POLL: variants seen among roughly 807,000 people sequenced by gnomAD.
POLL encodes DNA polymerase beta-2.
POLL carries 44 observed loss-of-function variants against 58.1 expected under a neutral mutation model. The observed-to-expected ratio is 0.76, with a 90% CI of 0.60 to 0.97. The LOEUF is 0.97. Among genes scored for constraint, POLL ranks in the 50% least tolerant of loss-of-function variants. POLL has a pLI of 0.00. For missense variants in POLL, 632 were observed against 736.8 expected, an observed-to-expected ratio of 0.86 and a Z score of 1.65; for synonymous variants, 290 against 283.2, an observed-to-expected ratio of 1.02 and a Z score of -0.24.
rs1407940480 is a variant in POLL, at chr10:101,580,230, C to G, written c.1363+18G>C. ...GCTGCCCTCTGTCAACCTGCTCACC[C>G]AGAGATGGAGCTTATACCTTCCTGC... On this transcript the variant is annotated intron_variant, in intron 8 of 8. Coordinates refer to ENST00000370162, the MANE Select transcript of POLL (RefSeq NM_001174084.2). This position sits in a 1 kb window ranked among gnomAD's most constrained non-coding sequence, Gnocchi z 4.1. 1.2e-6 allele frequency: 2 copies of G among 1,604,496 alleles called. No individual in the cohort carries two copies. Among genetic ancestry groups the G allele is most frequent in the Admixed American group, 3.4e-5 (2 of 59,554 alleles).
Position 101,582,798 on chromosome 10 carries a change from T to C in POLL, c.1159A>G (p.Met387Val), listed in dbSNP as rs150900080. The C allele has an allele frequency of 3.7e-6, 6 of 1,614,098 alleles. No homozygotes were observed. Among genetic ancestry groups the C allele is most frequent in the African/African-American group, 1.3e-5 (1 of 74,956 alleles). The change falls in exon 7 of 9, where the codon ATG (methionine) becomes GTG (valine). Residue 387 changes from methionine (M) to valine (V), a missense_variant. Physicochemically the swap from Met to Val is conservative, Grantham distance 21 (BLOSUM62 1). Coordinates refer to ENST00000370162, the MANE Select transcript of POLL (RefSeq NM_001174084.2). ...LKHYSDFLER[M>V]PREEATEIEQ... Reference sequence around the variant, plus strand: ...ATCTCTGTAGCCTCCTCCCTGGGCATACGTTCCAGGAAGTCACTGTAATGC... The same window carrying C: ...ATCTCTGTAGCCTCCTCCCTGGGCACACGTTCCAGGAAGTCACTGTAATGC...
In POLL at chr10:101,585,341, T is replaced by A; in HGVS notation, c.548A>T (p.Lys183Ile). ...TRPVSPPQKAKEAPNTQAQPI... is the reference protein window; with the variant it reads ...TRPVSPPQKAIEAPNTQAQPI... ...CTGGGCTTGGGTGTTTGGTGCCTCTTTTGCCTTTTGGGGAGGAGACACAGG... is the reference window on the plus strand; with the variant it reads ...CTGGGCTTGGGTGTTTGGTGCCTCTATTGCCTTTTGGGGAGGAGACACAGG... Residue 183 changes from lysine to isoleucine, a missense_variant, in exon 4 of 9, where the codon AAA becomes ATA. Coordinates refer to ENST00000370162, the MANE Select transcript of POLL (RefSeq NM_001174084.2). The A allele has an allele frequency of 2.5e-6, 4 of 1,585,740 alleles. No individual in the cohort carries two copies. The highest frequency in any genetic ancestry group is 3.4e-6 in the Non-Finnish European group (4 of 1,166,950).
Position 101,583,572 on chromosome 10 carries a change from A to C in POLL, c.1001T>G (p.Val334Gly). Residue 334 changes from valine to glycine, a missense_variant, in exon 6 of 9, where the codon GTC (valine) becomes GGC (glycine). By Grantham distance (109) the Val-to-Gly change is moderately radical (BLOSUM62 -3). Coordinates refer to ENST00000370162, the MANE Select transcript of POLL (RefSeq NM_001174084.2). The stretch of plus-strand genomic sequence containing the variant: ...CCAGATGTTGGAGAAGAGCTCCAAG[A>C]CAGGCACGCTCTCACTGATATGGTC... ...KLDHISESVP[V>G]LELFSNIWGA... 5 of 1,614,066 alleles carry C rather than the reference A, an allele frequency of 3.1e-6. No individual in the cohort carries two copies. Among genetic ancestry groups the C allele is most frequent in the Non-Finnish European group, 4.2e-6 (5 of 1,180,024 alleles).
At chr10:101,586,707 C>A (rs1007089130) in intron 2 of POLL, among the ~76,000 whole-genome samples, 9 of 152,160 alleles carry the variant, frequency 5.9e-5, no homozygotes, top group African/African-American at 1.9e-4. Context: ...GTTGCCCAAG[C>A]TGGTCTCGAA....
At position 101,580,357 on chromosome 10, in the gene POLL, G is replaced by A; in HGVS notation, c.1254C>T (p.Tyr418=). Residue 418 remains tyrosine (Y), a synonymous_variant, in exon 8 of 9, where the codon TAC becomes TAT. Coordinates refer to ENST00000370162, the MANE Select transcript of POLL (RefSeq NM_001174084.2). This position sits in a 1 kb window ranked among gnomAD's most constrained non-coding sequence, Gnocchi z 4.1. ...SGLLCVACGS[Y]RRGKATCGDV... Reference sequence around the variant, plus strand: ...CACCACAGGTCGCCTTTCCCCGTCGGTATGAACCACATGCCACACACAGCA... The same window carrying A: ...CACCACAGGTCGCCTTTCCCCGTCGATATGAACCACATGCCACACACAGCA... 1 of 1,614,068 alleles carries A rather than the reference G, an allele frequency of 6.2e-7. No individual in the cohort carries two copies. The highest frequency in any genetic ancestry group is 8.5e-7 in the Non-Finnish European group (1 of 1,179,988).
chr10:101,586,036 C>CT lies in POLL; in HGVS notation c.235_236insA (p.Gly79GlufsTer9), dbSNP rs757411742. On this transcript the variant is annotated frameshift_variant, in exon 3 of 9. Coordinates refer to ENST00000370162, the MANE Select transcript of POLL (RefSeq NM_001174084.2). LOFTEE classifies it high-confidence loss of function. ...TTCATCCACCACAATGTGAGTGACA[C>CT]CTGGGCCCTGGGCAGGGCATAGCTG... The CT allele has an allele frequency of 4.3e-6, 7 of 1,614,012 alleles. No homozygotes were observed. Among genetic ancestry groups the CT allele is most frequent in the Admixed American group, 1.7e-5 (1 of 59,996 alleles).
chr10:101,587,521 G>T, intron 1 of POLL, 115 bp from the exon 2 acceptor site: 1 of 1,491,708 alleles, frequency 6.7e-7, no homozygotes, highest in Admixed American at 2.1e-5. Flanking sequence ...GGTCGGGGGA[G>T]GGGGTCTCTT....
rs1199658689 is a variant in POLL, at chr10:101,583,531, T to C, written c.1042A>G (p.Thr348Ala). 1.2e-6 allele frequency: 2 copies of C among 1,613,298 alleles called. No individual in the cohort carries two copies. The highest frequency in any genetic ancestry group is 1.1e-5 in the South Asian group (1 of 91,040). Residue 348 changes from threonine to alanine, a missense_variant, in exon 6 of 9, where the codon ACT becomes GCT. By Grantham distance (58) the Thr-to-Ala change is moderately conservative. Transcript: ENST00000370162. The part of the protein sequence containing the change: ...FSNIWGAGTK[T>A]AQMWYQQGFR... ...ACCTGTTGGTACCACATCTGGGCAG[T>C]CTTGGTCCCAGCTCCCCAGATGTTG...
intron 2 of POLL, 163 bp downstream of exon 2, chr10:101,587,083 C>T: frequency 6.6e-7 from 1 of 1,519,488 alleles, no homozygotes; most frequent in Non-Finnish European, 9.1e-7. Context: ...CTGTCCAAGA[C>T]CCAGGACCAA....
chr10:101,583,568 C>A lies in POLL; in HGVS notation c.1005G>T (p.Leu335Phe), dbSNP rs768509874. The A allele has an allele frequency of 6.2e-7, 1 of 1,614,034 alleles. No individual in the cohort carries two copies. Among genetic ancestry groups the A allele is most frequent in the Non-Finnish European group, 8.5e-7 (1 of 1,180,020 alleles). The change falls in exon 6 of 9, where the codon TTG becomes TTT. Residue 335 changes from leucine (L) to phenylalanine (F), a missense_variant. Leu to Phe is a conservative substitution (Grantham distance 22, BLOSUM62 0). Transcript: ENST00000370162. ...CTCCCCAGATGTTGGAGAAGAGCTC[C>A]AAGACAGGCACGCTCTCACTGATAT... ...LDHISESVPVLELFSNIWGAG... is the reference protein window; with the variant it reads ...LDHISESVPVFELFSNIWGAG...
chr10:101,584,326 GAATA>G (rs924888804), intron 5 of POLL, among the ~76,000 whole-genome samples: 7 of 151,306 alleles, frequency 4.6e-5, no homozygotes, highest in African/African-American at 1.5e-4. Flanking sequence ...CTAAATAAAT[GAATA>G]AATAAATAAA....
At chr10:101,582,978 C>A in intron 6 of POLL, 87 bp from the exon 7 acceptor site, 1 of 1,542,330 alleles carries the variant, frequency 6.5e-7, no homozygotes, top group Middle Eastern at 1.7e-4. Context: ...GCTTCCATCG[C>A]CCCAGACTCT....
Position 101,583,684 on chromosome 10 carries a change from A to G in POLL, c.892-3T>C. 1 of 1,613,258 alleles carries G rather than the reference A, an allele frequency of 6.2e-7. No homozygotes were observed. Among genetic ancestry groups the G allele is most frequent in the Non-Finnish European group, 8.5e-7 (1 of 1,179,348 alleles). On this transcript the variant is annotated splice_polypyrimidine_tract_variant and splice_region_variant and intron_variant, in intron 5 of 8. Coordinates refer to ENST00000370162, the MANE Select transcript of POLL (RefSeq NM_001174084.2). ...ATCCCAGGGATACTGCAGGCCTCCT[A>G]GAGGAGGAGGAGGCAGAGGCAAGAA... is the stretch of plus-strand genomic sequence containing the variant.
At chr10:101,587,479 C>G (rs1258647059) in intron 1 of POLL, 73 bp from the exon 2 acceptor site, 32 of 1,468,272 alleles carry the variant, frequency 2.2e-5, no homozygotes, top group African/African-American at 4.3e-5. Flanking sequence ...CCTGACCAGG[C>G]TTTGGGGGTA....
intron 7 of POLL, 79 bp downstream of exon 7, chr10:101,582,684 G>T: frequency 2.8e-6 from 4 of 1,418,862 alleles, no homozygotes; most frequent in Non-Finnish European, 4.0e-6. Flanking sequence ...CCCAGCTGAG[G>T]AGTTGGGGGT....
intron 2 of POLL, 56 bp downstream of exon 2, chr10:101,587,190 G>A (rs1365613897): frequency 1.2e-6 from 2 of 1,613,456 alleles, no homozygotes; most frequent in Non-Finnish European, 1.7e-6. Context: ...TAGGGCTGAA[G>A]CACATGAAGG....
In POLL at chr10:101,586,064, C is replaced by T. The variant is rs143021263; in HGVS notation, c.208G>A (p.Gly70Ser). The change falls in exon 3 of 9, where the codon GGC becomes AGC. Residue 70 changes from glycine (G) to serine (S), a missense_variant. Gly to Ser is a moderately conservative substitution (Grantham distance 56). Coordinates refer to ENST00000370162, the MANE Select transcript of POLL (RefSeq NM_001174084.2). ...GGGCCCTGGGCAGGGCATAGCTGGC[C>T]GCCATGCTGAACAATCTGCTTCTCA... ...LFEKQIVQHG[G>S]QLCPAQGPGV... 47 of 1,613,928 alleles carry T rather than the reference C, an allele frequency of 2.9e-5. No individual in the cohort carries two copies. Among genetic ancestry groups the T allele is most frequent in the African/African-American group, 1.9e-4 (14 of 74,918 alleles).
Position 101,587,923 on chromosome 10 carries a change from C to A in POLL, c.-148G>T. 8.2e-7 allele frequency: 1 copy of A among 1,223,050 alleles called. No individual in the cohort carries two copies. The highest frequency in any genetic ancestry group is 1.0e-6 in the Non-Finnish European group (1 of 956,826). 75.8% of individuals were successfully genotyped at this position (1,223,050 alleles called of 1,614,324 possible). Reference sequence around the variant, plus strand: ...AGCCTCTCGACATGGGGGTGCTCAGCGCCGCAGCTGCGGGGAGATGGGGCA... The same window carrying A: ...AGCCTCTCGACATGGGGGTGCTCAGAGCCGCAGCTGCGGGGAGATGGGGCA... On this transcript the variant is annotated 5_prime_UTR_variant, in exon 1 of 9. Coordinates refer to ENST00000370162, the MANE Select transcript of POLL (RefSeq NM_001174084.2).
In POLL at chr10:101,578,941, C is replaced by G. The variant is rs917614595; in HGVS notation, c.*512G>C. The G allele has an allele frequency of 5.8e-6, 1 of 172,102 alleles. No homozygotes were observed. Among genetic ancestry groups the G allele is most frequent in the African/African-American group, 2.4e-5 (1 of 41,932 alleles). The allele number at this position is 172,102 out of a possible 1,614,324, so 10.7% of individuals were successfully genotyped here. On this transcript the variant is annotated 3_prime_UTR_variant, in exon 9 of 9. Transcript: ENST00000370162. The stretch of plus-strand genomic sequence containing the variant: ...CCTCCCAACACTGTCCTCACCAAGG[C>G]TGGGGCACCCCATTCCCAGCACCAC...
Sources: allele counts gnomAD v4.1 joint callset (sites outside exome capture counted in the v4.1 genomes callset), GRCh38; gene constraint gnomAD v4.1.1; non-coding constraint Gnocchi (gnomAD v3.1); transcripts MANE v1.5; gene names NCBI Gene and HGNC (gene_info 2026-07-23, HGNC 2026-07-21).